Variants in SHISA6 observed in about 807,000 individuals in gnomAD.
The protein encoded by SHISA6 is protein shisa-6.
Under a neutral mutation model 47.9 loss-of-function variants are expected in SHISA6, and 22 were observed. The observed-to-expected ratio is 0.46, with a 90% CI of 0.33 to 0.66. The LOEUF (loss-of-function observed/expected upper bound fraction) is 0.66. SHISA6 is among the 30% of genes least tolerant of loss of function. SHISA6 has a pLI of 0.02. For missense variants in SHISA6, 680 were observed against 764.6 expected, an observed-to-expected ratio of 0.89 and a Z score of 1.30; for synonymous variants, 388 against 337.8, an observed-to-expected ratio of 1.15 and a Z score of -1.63.
chr17:11,525,812 G>C (rs1189239634), intron 3 of SHISA6, among the ~76,000 whole-genome samples: 1 of 151,766 alleles, frequency 6.6e-6, no homozygotes, highest in African/African-American at 2.4e-5. Context: ...AGACTAGCCT[G>C]GGCAACATGG....
At chr17:11,492,096 T>C (rs902191245) in intron 3 of SHISA6, among the ~76,000 whole-genome samples, 2 of 152,006 alleles carry the variant, frequency 1.3e-5, no homozygotes, top group African/African-American at 4.8e-5. Flanking sequence ...AAAAGTGAAG[T>C]GTGATGTGAG....
intron 3 of SHISA6, among the ~76,000 whole-genome samples, chr17:11,486,041 G>T (rs572290030): frequency 4.3e-4 from 66 of 152,308 alleles, no homozygotes; most frequent in African/African-American, 1.5e-3. Context: ...GCTGTAAGAA[G>T]CAAACAGGGG....
At chr17:11,475,707 G>T (rs1916035942) in intron 3 of SHISA6, among the ~76,000 whole-genome samples, 1 of 151,786 alleles carries the variant, frequency 6.6e-6, no homozygotes, top group African/African-American at 2.4e-5. Flanking sequence ...GAGGATTTTT[G>T]CATCTATCTT....
In SHISA6 at chr17:11,269,110, C is replaced by T. The variant is rs530928467; in HGVS notation, c.799+5584C>T. 2.6e-3 allele frequency among the ~76,000 whole-genome samples: 400 copies of T among 151,806 alleles called. 2 individuals are homozygous for T. Among genetic ancestry groups the T allele is most frequent in the Admixed American group, 5.6e-3 (85 of 15,236 alleles). On this transcript the variant is annotated intron_variant, in intron 2 of 5. Coordinates refer to ENST00000441885, the MANE Select transcript of SHISA6 (RefSeq NM_207386.4). ...AGGCTGGAGTGCAGTGGCGCGATCT[C>T]AGCCCATTGCAACCTCCACCTCCTG...
intron 3 of SHISA6, among the ~76,000 whole-genome samples, chr17:11,389,353 T>G (rs538073762): frequency 1.3e-5 from 2 of 152,258 alleles, no homozygotes; most frequent in African/African-American, 4.8e-5. Context: ...TTGCGGAAGT[T>G]TCAGCTCTTA....
At chr17:11,450,704 G>GAA (rs59717518) in intron 3 of SHISA6, among the ~76,000 whole-genome samples, 2 of 149,560 alleles carry the variant, frequency 1.3e-5, no homozygotes, top group Admixed American at 1.3e-4. Flanking sequence ...CAAAAGAAAA[G>GAA]AAAAAAAAAT....
chr17:11,267,602 CTT>C (rs1429438369), intron 2 of SHISA6, among the ~76,000 whole-genome samples: 4 of 152,194 alleles, frequency 2.6e-5, no homozygotes, highest in African/African-American at 9.6e-5. Flanking sequence ...GTCCAGAAAA[CTT>C]TGAGAACTGA....
intron 2 of SHISA6, among the ~76,000 whole-genome samples, chr17:11,271,107 G>A (rs78383956): frequency 0.03 from 4,543 of 152,190 alleles, 164 homozygotes; most frequent in African/African-American, 0.085. Flanking sequence ...GAGGCGGGAA[G>A]GGTGTGAAAC....
intron 3 of SHISA6, among the ~76,000 whole-genome samples, chr17:11,431,576 A>G (rs1281834058): frequency 6.6e-6 from 1 of 152,192 alleles, no homozygotes; most frequent in East Asian, 1.9e-4. Flanking sequence ...CTTAAGTCCA[A>G]GATATTTTTC....
At chr17:11,276,166 CAG>C (rs1908881436) in intron 2 of SHISA6, among the ~76,000 whole-genome samples, 1 of 152,008 alleles carries the variant, frequency 6.6e-6, no homozygotes, top group Admixed American at 6.6e-5. Flanking sequence ...TTAGTAGAGA[CAG>C]GGTTTCACCA....
At chr17:11,266,370 G>T (rs1908424045) in intron 2 of SHISA6, among the ~76,000 whole-genome samples, 1 of 152,188 alleles carries the variant, frequency 6.6e-6, no homozygotes, top group Non-Finnish European at 1.5e-5. Context: ...TGTGGGAAAT[G>T]CAGAATCCCA....
Position 11,350,184 on chromosome 17 carries a change from T to TTTATTTTA in SHISA6, c.800-29228_800-29227insATTTTATT, listed in dbSNP as rs1288410427. On this transcript the variant is annotated intron_variant, in intron 2 of 5. Coordinates refer to ENST00000441885, the MANE Select transcript of SHISA6 (RefSeq NM_207386.4). ...TTTATTTATTTATTTATTTATTTAT[T>TTTATTTTA]TTTTTTTTTTTTTGAGACGGAGTCT... Among the ~76,000 whole-genome samples, 369 of 101,930 alleles carry TTTATTTTA rather than the reference T, an allele frequency of 3.6e-3. 3 individuals carry two copies. The highest frequency in any genetic ancestry group is 0.012 in the African/African-American group (332 of 27,328). The allele number at this position is 101,930 out of a possible 152,430, so 66.9% of individuals were successfully genotyped here.
chr17:11,355,814 A>C (rs1377123333), intron 2 of SHISA6, among the ~76,000 whole-genome samples: 1 of 152,208 alleles, frequency 6.6e-6, no homozygotes, highest in Middle Eastern at 3.2e-3. Flanking sequence ...AGAAGGGGGA[A>C]TGCCGAGAAT....
intron 3 of SHISA6, among the ~76,000 whole-genome samples, chr17:11,444,574 A>G (rs1245290432): frequency 6.6e-6 from 1 of 152,168 alleles, no homozygotes; most frequent in Non-Finnish European, 1.5e-5. Flanking sequence ...TGCTTTGGAC[A>G]AAAACAAAAT....
rs546451337 is a variant in SHISA6 at position 11,469,557 on chromosome 17, A to C, written c.896-82339A>C. On this transcript the variant is annotated intron_variant, in intron 3 of 5. Transcript: ENST00000441885. ...AATAGGAAATTAATGCACTCTGCTT[A>C]AAGGAAGAAAGCAGAGCAGGGGTTG... Among the ~76,000 whole-genome samples, 4 of 152,300 alleles carry C rather than the reference A, an allele frequency of 2.6e-5. No individual in the cohort carries two copies. In the South Asian group the frequency reaches 8.3e-4, roughly 32 times the overall value.
chr17:11,438,778 T>C (rs1321713920), intron 3 of SHISA6, among the ~76,000 whole-genome samples: 1 of 152,158 alleles, frequency 6.6e-6, no homozygotes, highest in African/African-American at 2.4e-5. Flanking sequence ...TTTAAAGACA[T>C]TGTTAATTAA....
intron 2 of SHISA6, among the ~76,000 whole-genome samples, chr17:11,274,346 G>T (rs191209457): frequency 6.6e-6 from 1 of 152,348 alleles, no homozygotes; most frequent in East Asian, 1.9e-4. Flanking sequence ...GAAAGCCAAA[G>T]CACGGAGGAC....
At chr17:11,473,470 A>G (rs1030332740) in intron 3 of SHISA6, among the ~76,000 whole-genome samples, 1 of 152,158 alleles carries the variant, frequency 6.6e-6, no homozygotes, top group South Asian at 2.1e-4. Flanking sequence ...CTCACATGGC[A>G]GAAGAGTAGA....
At chr17:11,520,746 G>A (rs1203490233) in intron 3 of SHISA6, among the ~76,000 whole-genome samples, 1 of 152,200 alleles carries the variant, frequency 6.6e-6, no homozygotes, top group African/African-American at 2.4e-5. Flanking sequence ...TCATCCATGA[G>A]ACCTCTGCAT....
Sources: gnomAD v4.1 joint callset for allele counts (sites outside exome capture counted in the v4.1 genomes callset) on GRCh38, gnomAD v4.1.1 for gene constraint, MANE v1.5 for transcripts, NCBI Gene and HGNC (gene_info 2026-07-23, HGNC 2026-07-21) for gene names.